PCDHGB5: variants seen among roughly 807,000 people sequenced by gnomAD.
PCDHGB5 encodes the protein protocadherin gamma-B5.
PCDHGB5 carries 48 observed loss-of-function variants against 62.9 expected under a neutral mutation model. The ratio of observed to expected loss-of-function variants is 0.76; its 90% CI spans 0.61 to 0.97. The LOEUF is 0.97. Among genes scored for constraint, PCDHGB5 ranks in the 50% least tolerant of loss-of-function variants. PCDHGB5 has a pLI of 0.00. For missense variants in PCDHGB5, 1,118 were observed against 1,198.6 expected, an observed-to-expected ratio of 0.93 and a Z score of 0.99; for synonymous variants, 474 against 511.2, an observed-to-expected ratio of 0.93 and a Z score of 0.98.
chr5:141,441,823 C>A (rs538052540), intron 1 of PCDHGB5: 6 of 357,336 alleles, frequency 1.7e-5, no homozygotes, highest in South Asian at 7.1e-5. Flanking sequence ...AGCTCTGGAG[C>A]GCAATGGCTT....
rs988237114 is a variant in PCDHGB5 at position 141,493,830 on chromosome 5, G to A, written c.2398-977G>A. On this transcript the variant is annotated intron_variant, in intron 1 of 3. Transcript: ENST00000617380. This position sits in a 1 kb window ranked among gnomAD's most constrained non-coding sequence, Gnocchi z 4.3. ...ATACTCACACTCTCTGCTTCTGGGA[G>A]CAAGTATGAGTATTAATTACCAGCC... 1.3e-5 allele frequency among the ~76,000 whole-genome samples: 2 copies of A among 152,218 alleles called. No individual in the cohort carries two copies. The highest frequency in any genetic ancestry group is 4.8e-5 in the African/African-American group (2 of 41,456).
chr5:141,486,823 A>G lies in PCDHGB5; in HGVS notation c.2398-7984A>G, dbSNP rs778308736. On this transcript the variant is annotated intron_variant, in intron 1 of 3. Coordinates refer to ENST00000617380, the MANE Select transcript of PCDHGB5 (RefSeq NM_018925.3). The surrounding 1 kb of genome is among the most constrained non-coding windows in gnomAD (Gnocchi z 5.0). Reference sequence around the variant, plus strand: ...ACCCACCCCTTAGCAGCACTGTAACAGTTCGTCTATTTGTGCTGGACCTCA... The same window carrying G: ...ACCCACCCCTTAGCAGCACTGTAACGGTTCGTCTATTTGTGCTGGACCTCA... 1.2e-6 allele frequency: 2 copies of G among 1,614,104 alleles called. No individual in the cohort carries two copies. Among genetic ancestry groups the G allele is most frequent in the Admixed American group, 1.7e-5 (1 of 60,008 alleles).
intron 1 of PCDHGB5, chr5:141,441,917 A>G (rs979307331): frequency 3.1e-5 from 11 of 352,364 alleles, no homozygotes; most frequent in African/African-American, 2.0e-4. Context: ...GATGTGAGAC[A>G]CAATGCGTGG....
rs370299433 is a variant in PCDHGB5 at position 141,476,360 on chromosome 5, G to A, written c.2398-18447G>A. 5.3e-5 allele frequency: 86 copies of A among 1,614,186 alleles called. No homozygotes were observed. The highest frequency in any genetic ancestry group is 6.7e-5 in the Non-Finnish European group (79 of 1,180,042). ...CCGAAGATTCTTTGAGGTGAACCGG[G>A]AGACCGGAGAGATGTTTGTGAACGA... On this transcript the variant is annotated intron_variant, in intron 1 of 3. Transcript: ENST00000617380. This position sits in a 1 kb window ranked among gnomAD's most constrained non-coding sequence, Gnocchi z 7.6.
At chr5:141,429,240 TGA>T (rs998506084) in intron 1 of PCDHGB5, 1 of 151,858 alleles carries the variant, frequency 6.6e-6, no homozygotes, top group Non-Finnish European at 1.5e-5. Context: ...CTGCTGTCAT[TGA>T]GATATTTTAA....
chr5:141,410,142 G>A (rs2095361095), intron 1 of PCDHGB5: 3 of 1,612,612 alleles, frequency 1.9e-6, no homozygotes, highest in East Asian at 2.2e-5. Context: ...GTCGCTGTGC[G>A]TGACGGTGGA....
intron 1 of PCDHGB5, chr5:141,404,335 C>G (rs2094514976): frequency 1.2e-6 from 2 of 1,613,936 alleles, no homozygotes; most frequent in Non-Finnish European, 1.7e-6. Context: ...CAGTCTACCT[C>G]CCGGAAAACA....
Position 141,403,639 on chromosome 5 carries a change from T to C in PCDHGB5, c.2397+3115T>C, listed in dbSNP as rs377402370. On this transcript the variant is annotated intron_variant, in intron 1 of 3. Coordinates refer to ENST00000617380, the MANE Select transcript of PCDHGB5 (RefSeq NM_018925.3). ...GTCGCTCCAGCACAGTGCGCATCCA[T>C]GTGACAGTGTTGGATACAAATGATA... 1.4e-4 allele frequency: 219 copies of C among 1,613,892 alleles called. 1 individual carries two copies. The East Asian group carries it at 4.5e-3, about 33-fold the overall frequency.
chr5:141,481,842 T>C (rs1402237517), intron 1 of PCDHGB5, among the ~76,000 whole-genome samples: 1 of 144,038 alleles, frequency 6.9e-6, no homozygotes, highest in Non-Finnish European at 1.5e-5. Flanking sequence ...AATCGCTTGA[T>C]GGTGGAGGTT....
At position 141,419,726 on chromosome 5, in the gene PCDHGB5, A is replaced by AC. The variant is rs757890106; in HGVS notation, c.2397+19203dup. On this transcript the variant is annotated intron_variant, in intron 1 of 3. Coordinates refer to ENST00000617380, the MANE Select transcript of PCDHGB5 (RefSeq NM_018925.3). ...CGGGCTCTTCAGCCTGGGGCTGCGA[A>AC]CAGGCGAGGTGCGCATGGTGCGTGC... 3.1e-6 allele frequency: 5 copies of AC among 1,613,402 alleles called. No individual in the cohort carries two copies. The Admixed American group carries it at 8.3e-5, about 27-fold the overall frequency.
intron 1 of PCDHGB5, among the ~76,000 whole-genome samples, chr5:141,469,315 G>A (rs1160946697): frequency 6.6e-6 from 1 of 151,866 alleles, no homozygotes; most frequent in African/African-American, 2.4e-5. Flanking sequence ...GATGGCTCAC[G>A]CCTGTAATCC....
chr5:141,410,737 C>A, intron 1 of PCDHGB5: 1 of 1,295,554 alleles, frequency 7.7e-7, no homozygotes, highest in East Asian at 2.5e-5. Context: ...TAGCTTTTTA[C>A]AATATTTTCT....
At position 141,431,007 on chromosome 5, in the gene PCDHGB5, G is replaced by C. The variant is rs149559471; in HGVS notation, c.2397+30483G>C. On this transcript the variant is annotated intron_variant, in intron 1 of 3. Transcript: ENST00000617380. This position sits in a 1 kb window ranked among gnomAD's most constrained non-coding sequence, Gnocchi z 4.8. Reference sequence around the variant, plus strand: ...TTCGCCCTGAATCCGCGCAGCGGCAGCTTGGTCACGGCGGGCAGGATAGAC... The same window carrying C: ...TTCGCCCTGAATCCGCGCAGCGGCACCTTGGTCACGGCGGGCAGGATAGAC... 10 of 1,614,050 alleles carry C rather than the reference G, an allele frequency of 6.2e-6. No homozygotes were observed. The highest frequency in any genetic ancestry group is 8.5e-6 in the Non-Finnish European group (10 of 1,180,018).
At chr5:141,438,635 T>TAC (rs56854727) in intron 1 of PCDHGB5, among the ~76,000 whole-genome samples, 5 of 33,422 alleles carry the variant, frequency 1.5e-4, no homozygotes, top group Admixed American at 8.3e-4. Flanking sequence ...TATATATATA[T>TAC]ACACACACAC....
chr5:141,438,631 TATATACACACAC>T (rs1290318462), intron 1 of PCDHGB5, among the ~76,000 whole-genome samples: 214 of 43,192 alleles, frequency 5.0e-3, no homozygotes, highest in Non-Finnish European at 6.1e-3. Flanking sequence ...TATATATATA[TATATACACACAC>T]ACACACACAT....
chr5:141,474,105 C>A (rs1292743515), intron 1 of PCDHGB5, among the ~76,000 whole-genome samples: 1 of 152,036 alleles, frequency 6.6e-6, no homozygotes, highest in African/African-American at 2.4e-5. Flanking sequence ...ACAACAAAAA[C>A]AACAACAACG....
rs1419377760 is a variant in PCDHGB5 at position 141,418,687 on chromosome 5, GATCACTT to G, written c.2397+18166_2397+18172del. ...ACCAGGACGAGGGCATCAACTCAGA[GATCACTT>G]ATTCCTTCTTTGGTGTGGCTGACAA... On this transcript the variant is annotated intron_variant, in intron 1 of 3. Transcript: ENST00000617380. 6 of 1,613,928 alleles carry G rather than the reference GATCACTT, an allele frequency of 3.7e-6. No individual in the cohort carries two copies. In the African/African-American group the frequency reaches 8.0e-5, roughly 22 times the overall value.
At chr5:141,453,014 G>A (rs2098753820) in intron 1 of PCDHGB5, among the ~76,000 whole-genome samples, 1 of 152,206 alleles carries the variant, frequency 6.6e-6, no homozygotes, top group Non-Finnish European at 1.5e-5. Flanking sequence ...GTATAGTTAT[G>A]TGATTCATTA....
intron 1 of PCDHGB5, among the ~76,000 whole-genome samples, chr5:141,438,581 TACATAC>T (rs2097977343): frequency 4.0e-5 from 2 of 49,846 alleles, no homozygotes; most frequent in Non-Finnish European, 6.5e-5. Flanking sequence ...TATACATACA[TACATAC>T]ATACATATAT....
Sources: gnomAD v4.1 joint callset for allele counts (sites outside exome capture counted in the v4.1 genomes callset) on GRCh38, gnomAD v4.1.1 for gene constraint, Gnocchi (gnomAD v3.1) non-coding constraint, MANE v1.5 for transcripts, NCBI Gene and HGNC (gene_info 2026-07-23, HGNC 2026-07-21) for gene names.